ABCC3: variants seen among roughly 807,000 people sequenced by gnomAD.
The protein encoded by ABCC3 is ATP binding cassette subfamily C member 3, also known as ATP-binding cassette sub-family C member 3.
A neutral mutation model predicts 165.3 loss-of-function variants in ABCC3; 121 were observed. That is an observed-to-expected ratio of 0.73 (90% CI 0.63 to 0.85). The LOEUF is 0.85. Ranked by LOEUF, ABCC3 falls within the 40% of genes least tolerant of loss-of-function variation. ABCC3 has a pLI of 0.00. For synonymous variants in ABCC3, 733 were observed against 810.1 expected, an observed-to-expected ratio of 0.90 and a Z score of 1.62; for missense variants, 1,869 against 1,964.1, an observed-to-expected ratio of 0.95 and a Z score of 0.92.
At chr17:50,636,587 G>T (rs1030451051) in intron 1 of ABCC3, among the ~76,000 whole-genome samples, 8 of 152,186 alleles carry the variant, frequency 5.3e-5, no homozygotes, top group Non-Finnish European at 8.8e-5. Context: ...TGCCCTTTGG[G>T]CCAGGCTGGT....
At chr17:50,641,444 G>A (rs1358896955) in intron 1 of ABCC3, among the ~76,000 whole-genome samples, 2 of 152,144 alleles carry the variant, frequency 1.3e-5, no homozygotes, top group African/African-American at 4.8e-5. Flanking sequence ...CACTGGCCCT[G>A]TCCTCACCTT....
intron 1 of ABCC3, among the ~76,000 whole-genome samples, chr17:50,646,417 C>T (rs1041332688): frequency 1.1e-4 from 17 of 152,164 alleles, no homozygotes; most frequent in Non-Finnish European, 2.2e-4. Context: ...GATGTCAAGT[C>T]AGCAGTTAGA....
In ABCC3 at chr17:50,658,493, C is replaced by T; in HGVS notation, c.671C>T (p.Thr224Ile). Residue 224 changes from threonine (T) to isoleucine (I), a missense_variant, in exon 6 of 31, where the codon ACA becomes ATA. Physicochemically the swap from Thr to Ile is moderately conservative, Grantham distance 89. Coordinates refer to ENST00000285238, the MANE Select transcript of ABCC3 (RefSeq NM_003786.4). ...FLSRLFFWWFTKMAIYGYRHP... is the reference protein window; with the variant it reads ...FLSRLFFWWFIKMAIYGYRHP... ...TCCCGCCTGTTTTTCTGGTGGTTCA[C>T]AAAGTGAGTTGGCTCTTCCACCAGC... 6.2e-7 allele frequency: 1 copy of T among 1,613,880 alleles called. No individual in the cohort carries two copies. Among genetic ancestry groups the T allele is most frequent in the African/African-American group, 1.3e-5 (1 of 75,046 alleles).
chr17:50,654,760 G>GTGTA (rs1967188202), intron 1 of ABCC3, among the ~76,000 whole-genome samples: 1 of 152,120 alleles, frequency 6.6e-6, no homozygotes, highest in African/African-American at 2.4e-5. Flanking sequence ...TTTAAACTGT[G>GTGTA]TGTATATATC....
intron 1 of ABCC3, 72 bp downstream of exon 1, chr17:50,635,053 GC>G (rs2054165775): frequency 1.6e-6 from 2 of 1,241,304 alleles, no homozygotes; most frequent in South Asian, 7.2e-5. Flanking sequence ...CCCGCCGCCT[GC>G]CTTCCCGCGG....
chr17:50,683,891 G>T, intron 27 of ABCC3, 58 bp from the exon 28 acceptor site: 2 of 1,589,600 alleles, frequency 1.3e-6, no homozygotes, highest in Non-Finnish European at 1.7e-6. Flanking sequence ...GAGAGTCCTG[G>T]AGATGCGCCT....
chr17:50,662,174 G>A (rs1344355830), intron 8 of ABCC3: 1 of 152,492 alleles, frequency 6.6e-6, no homozygotes, highest in African/African-American at 2.4e-5. Flanking sequence ...GGCCAGGAAT[G>A]AGACAAGTAT....
intron 13 of ABCC3, 67 bp from the exon 14 acceptor site, chr17:50,668,363 G>A: frequency 7.1e-7 from 1 of 1,400,178 alleles, no homozygotes. Flanking sequence ...TGCTGGGGAT[G>A]GGGCGAGGGT....
chr17:50,667,969 C>A lies in ABCC3; in HGVS notation c.1742C>A (p.Pro581His), dbSNP rs1967562691. 2 of 1,614,076 alleles carry A rather than the reference C, an allele frequency of 1.2e-6. No individual in the cohort carries two copies. The highest frequency in any genetic ancestry group is 3.3e-5 in the Admixed American group (2 of 60,006). Reference sequence around the variant, plus strand: ...TCCTTGTTTAATATCTTAAGACTTCCCCTCAACATGCTGCCCCAGTTAATC... The same window carrying A: ...TCCTTGTTTAATATCTTAAGACTTCACCTCAACATGCTGCCCCAGTTAATC... Reference protein sequence around the residue: ...SVSLFNILRLPLNMLPQLISN... With the variant: ...SVSLFNILRLHLNMLPQLISN... The change falls in exon 13 of 31, where the codon CCC (proline) becomes CAC (histidine). Residue 581 changes from proline to histidine, a missense_variant. Pro to His is a moderately conservative substitution (Grantham distance 77). Transcript: ENST00000285238.
intron 1 of ABCC3, among the ~76,000 whole-genome samples, chr17:50,649,826 A>C (rs1251267056): frequency 6.6e-6 from 1 of 152,236 alleles, no homozygotes; most frequent in Non-Finnish European, 1.5e-5. Flanking sequence ...TGTGAACAAT[A>C]GCCGTTCATT....
chr17:50,645,606 A>AT (rs529195060), intron 1 of ABCC3, among the ~76,000 whole-genome samples: 128 of 148,774 alleles, frequency 8.6e-4, no homozygotes, highest in Non-Finnish European at 8.4e-4. Context: ...GTGTGTGTGT[A>AT]TTTTTTTTTT....
At position 50,635,491 on chromosome 17, in the gene ABCC3, A is replaced by G. The variant is rs993628423; in HGVS notation, c.45+510A>G. 1.3e-5 allele frequency: 9 copies of G among 702,456 alleles called. No homozygotes were observed. In the Middle Eastern group the frequency reaches 6.8e-4, roughly 53 times the overall value. 43.5% of individuals were successfully genotyped at this position (702,456 alleles called of 1,614,324 possible). A position where few individuals can be genotyped will look rare whatever the true frequency, so the allele number is the denominator to read the frequency against. On this transcript the variant is annotated intron_variant, in intron 1 of 30. Coordinates refer to ENST00000285238, the MANE Select transcript of ABCC3 (RefSeq NM_003786.4). Reference sequence around the variant, plus strand: ...GGCTGTGCAGTGTCCCACCCTTCTTAGGAAGGTTTCCTGCCACCTTCTTTT... The same window carrying G: ...GGCTGTGCAGTGTCCCACCCTTCTTGGGAAGGTTTCCTGCCACCTTCTTTT...
intron 1 of ABCC3, among the ~76,000 whole-genome samples, chr17:50,649,164 A>G (rs2146596318): frequency 6.6e-6 from 1 of 152,268 alleles, no homozygotes; most frequent in African/African-American, 2.4e-5. Flanking sequence ...CTGTTAAAAT[A>G]AAAACTTTAG....
intron 1 of ABCC3, among the ~76,000 whole-genome samples, chr17:50,638,870 G>C (rs1325830129): frequency 6.6e-6 from 1 of 150,552 alleles, no homozygotes; most frequent in Non-Finnish European, 1.5e-5. Flanking sequence ...GCAGGGCTGA[G>C]GTGGGCTCTG....
chr17:50,668,848 C>G lies in ABCC3; in HGVS notation c.1871-5C>G. On this transcript the variant is annotated splice_region_variant and splice_polypyrimidine_tract_variant and intron_variant, in intron 14 of 30. Transcript: ENST00000285238. ...CCCTGACCCTGCCCACCTTGGTCCT[C>G]TCAGGCTATGCCATCACCATACACA... 1 of 1,613,814 alleles carries G rather than the reference C, an allele frequency of 6.2e-7. No individual in the cohort carries two copies. Among genetic ancestry groups the G allele is most frequent in the Non-Finnish European group, 8.5e-7 (1 of 1,179,862 alleles).
intron 1 of ABCC3, among the ~76,000 whole-genome samples, chr17:50,654,831 G>A (rs557769362): frequency 1.3e-5 from 2 of 151,790 alleles, no homozygotes; most frequent in African/African-American, 4.8e-5. Flanking sequence ...AGTGGCTCAC[G>A]CCTGTAATCC....
Position 50,667,862 on chromosome 17 carries a change from G to A in ABCC3, c.1636-1G>A. 6.2e-7 allele frequency: 1 copy of A among 1,613,960 alleles called. No individual in the cohort carries two copies. The highest frequency in any genetic ancestry group is 1.1e-5 in the South Asian group (1 of 91,064). ...CCTGACACCACCTCCACGCTGCTCA[G>A]GTGACCCTGATCACCCTCTGGGTGT... On this transcript the variant is annotated splice_acceptor_variant, in intron 12 of 30. Coordinates refer to ENST00000285238, the MANE Select transcript of ABCC3 (RefSeq NM_003786.4). LOFTEE classifies it high-confidence loss of function.
In ABCC3 at chr17:50,665,257, C is replaced by A; in HGVS notation, c.1431+12C>A. Reference sequence around the variant, plus strand: ...TGCGCGCCTTCCAGGTAGGTGCTGTCAGAGGTGCATCCTCCTGCCTGCAGC... The same window carrying A: ...TGCGCGCCTTCCAGGTAGGTGCTGTAAGAGGTGCATCCTCCTGCCTGCAGC... On this transcript the variant is annotated intron_variant, in intron 11 of 30. Transcript: ENST00000285238. 6.2e-7 allele frequency: 1 copy of A among 1,610,662 alleles called. No homozygotes were observed. Among genetic ancestry groups the A allele is most frequent in the South Asian group, 1.1e-5 (1 of 91,038 alleles).
chr17:50,656,016 G>A lies in ABCC3; in HGVS notation c.222+8G>A. 1 of 1,611,596 alleles carries A rather than the reference G, an allele frequency of 6.2e-7. No homozygotes were observed. On this transcript the variant is annotated splice_region_variant and intron_variant, in intron 2 of 30. Coordinates refer to ENST00000285238, the MANE Select transcript of ABCC3 (RefSeq NM_003786.4). ...CTGTCCAAGCTCAAGATGGTCAGTG[G>A]CTCAGGGATCTCCTACCGATGGGGC...
Sources: gnomAD v4.1 joint callset for allele counts (sites outside exome capture counted in the v4.1 genomes callset) on GRCh38, gnomAD v4.1.1 for gene constraint, MANE v1.5 for transcripts, NCBI Gene and HGNC (gene_info 2026-07-23, HGNC 2026-07-21) for gene names.